ZFHX3: variants seen among roughly 807,000 people sequenced by gnomAD.
ZFHX3 encodes zinc finger homeobox protein 3.
A neutral mutation model predicts 279.1 loss-of-function variants in ZFHX3; 42 were observed. The observed-to-expected ratio is 0.15, with a 90% confidence interval of 0.12 to 0.19. The LOEUF (loss-of-function observed/expected upper bound fraction) is 0.19. Among genes scored for constraint, ZFHX3 ranks in the 10% least tolerant of loss-of-function variants. The pLI is 1.00. For missense variants in ZFHX3, 4,981 were observed against 4,754.0 expected, an observed-to-expected ratio of 1.05 and a Z score of -1.40; for synonymous variants, 2,293 against 1,957.8, an observed-to-expected ratio of 1.17 and a Z score of -4.52.
At chr16:72,900,371 G>GA (rs1361764841) in intron 3 of ZFHX3, among the ~76,000 whole-genome samples, 4 of 152,224 alleles carry the variant, frequency 2.6e-5, no homozygotes, top group Non-Finnish European at 5.9e-5. Flanking sequence ...CAATCCAGCA[G>GA]AAAAAAACAC....
At chr16:72,804,951 T>C (rs1381859261) in intron 7 of ZFHX3, among the ~76,000 whole-genome samples, 39 of 151,908 alleles carry the variant, frequency 2.6e-4, no homozygotes. Flanking sequence ...TTCTGTGTGC[T>C]GGAAAGCAGA....
intron 1 of ZFHX3, among the ~76,000 whole-genome samples, chr16:73,883,300 A>G (rs978999630): frequency 1.3e-5 from 2 of 152,196 alleles, no homozygotes; most frequent in African/African-American, 4.8e-5. Flanking sequence ...GCTAAACAAA[A>G]GGAATTTGAC....
At chr16:72,937,061 C>A (rs1033426355) in intron 3 of ZFHX3, among the ~76,000 whole-genome samples, 1 of 152,140 alleles carries the variant, frequency 6.6e-6, no homozygotes. Flanking sequence ...TGGCCCTAAC[C>A]GAGATGGGGG....
intron 1 of ZFHX3, among the ~76,000 whole-genome samples, chr16:73,058,238 C>A (rs1018489759): frequency 4.9e-5 from 7 of 142,720 alleles, no homozygotes; most frequent in African/African-American, 1.0e-4. Flanking sequence ...GCGGCCCGGG[C>A]TCGGCGGCGG....
At chr16:73,235,823 A>G (rs146851205) in intron 5 of ZFHX3, among the ~76,000 whole-genome samples, 3,318 of 152,112 alleles carry the variant, frequency 0.022, 70 homozygotes, top group Middle Eastern at 0.089. Context: ...GGCATGCGCC[A>G]CCACGCTAGG....
chr16:73,700,057 T>C (rs530426953), intron 1 of ZFHX3, among the ~76,000 whole-genome samples: 1 of 152,090 alleles, frequency 6.6e-6, no homozygotes, highest in African/African-American at 2.4e-5. Context: ...ACCCTCTCTC[T>C]ACAAAAAAGT....
intron 3 of ZFHX3, among the ~76,000 whole-genome samples, chr16:73,423,323 T>C (rs1191030382): frequency 6.6e-6 from 1 of 152,218 alleles, no homozygotes; most frequent in African/African-American, 2.4e-5. Flanking sequence ...TCTTTTGCTC[T>C]CAGAGAGTGT....
chr16:73,251,883 A>C (rs2013509486), intron 5 of ZFHX3, among the ~76,000 whole-genome samples: 1 of 99,998 alleles, frequency 1.0e-5, no homozygotes, highest in South Asian at 2.7e-4. Flanking sequence ...ATGCACACAC[A>C]CCACACACAC....
At chr16:73,746,811 C>A (rs2053708126) in intron 1 of ZFHX3, among the ~76,000 whole-genome samples, 1 of 152,116 alleles carries the variant, frequency 6.6e-6, no homozygotes, top group Non-Finnish European at 1.5e-5. Flanking sequence ...CAAAATCTCC[C>A]ATATATTTAA....
intron 8 of ZFHX3, chr16:73,092,833 G>A (rs1966103552): frequency 4.2e-6 from 2 of 475,302 alleles, no homozygotes; most frequent in South Asian, 1.6e-5. Context: ...CTGAACAGAC[G>A]GCTCATGCAG....
chr16:73,246,285 G>T (rs961852565), intron 5 of ZFHX3, among the ~76,000 whole-genome samples: 2 of 152,224 alleles, frequency 1.3e-5, no homozygotes, highest in Admixed American at 6.5e-5. Flanking sequence ...GAGTGCTGGA[G>T]ACTAGCTCTT....
intron 1 of ZFHX3, among the ~76,000 whole-genome samples, chr16:73,733,828 A>T (rs965405005): frequency 1.4e-4 from 22 of 152,232 alleles, no homozygotes; most frequent in African/African-American, 4.1e-4. Context: ...ATTAAAATAC[A>T]TCCCCCAAAA....
In ZFHX3 at chr16:72,794,964, G is replaced by C; in HGVS notation, c.7718C>G (p.Pro2573Arg). 1.2e-6 allele frequency: 2 copies of C among 1,614,168 alleles called. No homozygotes were observed. Among genetic ancestry groups the C allele is most frequent in the Non-Finnish European group, 1.7e-6 (2 of 1,180,036 alleles). ...GTTACTGGGATCAAAGAGCATGAAA[G>C]GCATATCCAGGGACCTGTCCAAAAA... ...PQFLDRSLDMPFMLFDPSNPL... is the reference protein window; with the variant it reads ...PQFLDRSLDMRFMLFDPSNPL... Residue 2573 changes from proline (P) to arginine (R), a missense_variant, in exon 9 of 10, where the codon CCT becomes CGT. Physicochemically the swap from Pro to Arg is moderately radical, Grantham distance 103. Around this residue, in one of 7 missense-constraint regions of ZFHX3, gnomAD observed 744 missense variants for 701.3 expected, o/e 1.06. Coordinates refer to ENST00000268489, the MANE Select transcript of ZFHX3 (RefSeq NM_006885.4). This position sits in a 1 kb window ranked among gnomAD's most constrained non-coding sequence, Gnocchi z 4.2.
intron 2 of ZFHX3, among the ~76,000 whole-genome samples, chr16:73,575,195 T>C (rs1331791358): frequency 6.6e-6 from 1 of 152,202 alleles, no homozygotes; most frequent in Non-Finnish European, 1.5e-5. Flanking sequence ...ATCCTGCTCC[T>C]GGAATATGTG....
At chr16:73,541,787 T>C (rs1274941785) in intron 2 of ZFHX3, among the ~76,000 whole-genome samples, 1 of 47,594 alleles carries the variant, frequency 2.1e-5, no homozygotes, top group African/African-American at 1.5e-4. Flanking sequence ...GGTGGTTCTC[T>C]TTTTTTTTTT....
chr16:73,361,782 C>T (rs1376368174), intron 3 of ZFHX3, among the ~76,000 whole-genome samples: 2 of 152,152 alleles, frequency 1.3e-5, no homozygotes, highest in Non-Finnish European at 2.9e-5. Flanking sequence ...TTGCTTCCTA[C>T]TGCAACTTTG....
At chr16:73,849,976 A>T (rs1053447819) in intron 1 of ZFHX3, among the ~76,000 whole-genome samples, 2 of 152,082 alleles carry the variant, frequency 1.3e-5, no homozygotes, top group African/African-American at 4.8e-5. Context: ...CAGGTGATCC[A>T]CTCACTTTGG....
chr16:73,872,633 C>A (rs2029865335), intron 1 of ZFHX3, among the ~76,000 whole-genome samples: 1 of 149,840 alleles, frequency 6.7e-6, no homozygotes, highest in Non-Finnish European at 1.5e-5. Context: ...CTTTAAAAAA[C>A]TTAATTCACA....
At chr16:73,719,280 C>G (rs7192200) in intron 1 of ZFHX3, among the ~76,000 whole-genome samples, 120,255 of 152,172 alleles carry the variant, frequency 0.79, 49,466 homozygotes, top group Middle Eastern at 0.9. Context: ...GCAAAAGTAA[C>G]ATATGTGAAG....
Sources: gnomAD v4.1 joint callset for allele counts (sites outside exome capture counted in the v4.1 genomes callset) on GRCh38, gnomAD v4.1.1 for gene constraint, gnomAD v4.1.1 regional missense constraint, Gnocchi (gnomAD v3.1) non-coding constraint, MANE v1.5 for transcripts, NCBI Gene and HGNC (gene_info 2026-07-23, HGNC 2026-07-21) for gene names.